The following AP1S3 variants were observed in gnomAD, a reference collection of about 807,000 sequenced individuals.
The protein encoded by AP1S3 is AP-1 complex subunit sigma-3.
Under a neutral mutation model 20.9 loss-of-function variants are expected in AP1S3, and 10 were observed. That is an observed-to-expected ratio of 0.48 (90% CI 0.29 to 0.81). The LOEUF (loss-of-function observed/expected upper bound fraction) is 0.81, where lower values mean the gene tolerates loss of function less well. Among genes scored for constraint, AP1S3 ranks in the 30% least tolerant of loss-of-function variants. The pLI is 0.08. For synonymous variants in AP1S3, 41 were observed against 61.5 expected (o/e 0.67, Z 1.56); for missense variants, 154 against 183.8 (o/e 0.84, Z 0.94).
At chr2:223,782,072 C>T (rs1244072671) in intron 1 of AP1S3, among the ~76,000 whole-genome samples, 12 of 147,824 alleles carry the variant, frequency 8.1e-5, no homozygotes, top group African/African-American at 2.3e-4. Context: ...AGGGCAGTGG[C>T]GCCATCTTGG....
At chr2:223,825,036 T>G (rs1197794930) in intron 1 of AP1S3, among the ~76,000 whole-genome samples, 1 of 151,722 alleles carries the variant, frequency 6.6e-6, no homozygotes, top group Admixed American at 6.6e-5. Flanking sequence ...TCGGCCGGGC[T>G]CGGTGGCTCA....
chr2:223,766,678 C>A (rs989174643), intron 3 of AP1S3, among the ~76,000 whole-genome samples: 1 of 152,128 alleles, frequency 6.6e-6, no homozygotes, highest in Admixed American at 6.5e-5. Context: ...CCAGAAATAC[C>A]ATTTGACCCG....
chr2:223,793,070 CA>C (rs953732560), intron 1 of AP1S3, among the ~76,000 whole-genome samples: 7 of 152,084 alleles, frequency 4.6e-5, no homozygotes, highest in African/African-American at 1.7e-4. Context: ...AGTAAAAAAC[CA>C]ACAGATGCTG....
At chr2:223,816,640 T>A (rs374675786) in intron 1 of AP1S3, among the ~76,000 whole-genome samples, 1 of 152,236 alleles carries the variant, frequency 6.6e-6, no homozygotes, top group South Asian at 2.1e-4. Flanking sequence ...AAGCCTGAGG[T>A]TGTCCCAGCA....
chr2:223,823,606 G>A (rs774047369), intron 1 of AP1S3, among the ~76,000 whole-genome samples: 33 of 152,166 alleles, frequency 2.2e-4, no homozygotes, highest in Non-Finnish European at 4.4e-4. Flanking sequence ...AGAAATTGAG[G>A]AGATATTGGT....
chr2:223,781,827 A>G (rs1690954891), intron 1 of AP1S3, among the ~76,000 whole-genome samples: 1 of 152,126 alleles, frequency 6.6e-6, no homozygotes, highest in Non-Finnish European at 1.5e-5. Context: ...TGAAGTCCAC[A>G]CATTTGCCTG....
chr2:223,787,210 T>G (rs1180908753), intron 1 of AP1S3, among the ~76,000 whole-genome samples: 1 of 152,222 alleles, frequency 6.6e-6, no homozygotes, highest in Non-Finnish European at 1.5e-5. Flanking sequence ...GTAAGTTTCC[T>G]GAGGCCTCCC....
At chr2:223,828,985 G>T (rs1692198532) in intron 1 of AP1S3, among the ~76,000 whole-genome samples, 1 of 152,134 alleles carries the variant, frequency 6.6e-6, no homozygotes, top group African/African-American at 2.4e-5. Context: ...ACAGGCGCCT[G>T]CCACTGCACC....
chr2:223,795,761 AAAAACAATGATAAGGAC>A (rs1166769934), intron 1 of AP1S3, among the ~76,000 whole-genome samples: 1 of 152,230 alleles, frequency 6.6e-6, no homozygotes, highest in Non-Finnish European at 1.5e-5. Context: ...ACAAAATAGG[AAAAACAATGATAAGGAC>A]CTCAGTGATG....
Position 223,757,038 on chromosome 2 carries a change from G to A in AP1S3, c.*1677C>T. The A allele has an allele frequency of 1.0e-6, 1 of 969,356 alleles. No homozygotes were observed. The highest frequency in any genetic ancestry group is 1.2e-6 in the Non-Finnish European group (1 of 818,236). The allele number at this position is 969,356 out of a possible 1,614,324, so 60.0% of individuals were successfully genotyped here. A position where few individuals can be genotyped will look rare whatever the true frequency, so the allele number is the denominator to read the frequency against. On this transcript the variant is annotated 3_prime_UTR_variant, in exon 5 of 5. Coordinates refer to ENST00000396654, the MANE Select transcript of AP1S3 (RefSeq NM_001039569.2). ...CGCAGTCTTGCTCTGTCACCCGCCT[G>A]GAGTGCACTGGTATGACCTTGGCTC...
At chr2:223,791,374 T>C (rs1691213646) in intron 1 of AP1S3, among the ~76,000 whole-genome samples, 1 of 152,160 alleles carries the variant, frequency 6.6e-6, no homozygotes, top group South Asian at 2.1e-4. Context: ...CAAGGTTGGT[T>C]CAACATACAC....
At chr2:223,827,913 G>T (rs1040947389) in intron 1 of AP1S3, among the ~76,000 whole-genome samples, 1 of 151,562 alleles carries the variant, frequency 6.6e-6, no homozygotes, top group Admixed American at 6.6e-5. Flanking sequence ...ACAAAAATTA[G>T]CTGGGTGTGG....
intron 1 of AP1S3, among the ~76,000 whole-genome samples, chr2:223,807,567 T>G (rs549447925): frequency 9.1e-4 from 138 of 152,302 alleles, no homozygotes; most frequent in Admixed American, 3.4e-3. Flanking sequence ...AGGAGGTGAC[T>G]GAATCATGGG....
At chr2:223,837,337 C>G (rs914683976) in intron 1 of AP1S3, 111 bp downstream of exon 1, 11 of 502,332 alleles carry the variant, frequency 2.2e-5, no homozygotes, top group Middle Eastern at 6.0e-4. Context: ...CCAGGCGGGA[C>G]TCGGCCCGCA....
intron 1 of AP1S3, among the ~76,000 whole-genome samples, chr2:223,806,388 A>G (rs755535268): frequency 6.9e-6 from 1 of 144,676 alleles, no homozygotes; most frequent in African/African-American, 2.6e-5. Context: ...GGTTCACACC[A>G]TTCTCCTGCC....
intron 1 of AP1S3, among the ~76,000 whole-genome samples, chr2:223,782,449 G>A (rs1559281736): frequency 6.6e-6 from 1 of 152,056 alleles, no homozygotes; most frequent in Admixed American, 6.6e-5. Context: ...TAGGCTAAAC[G>A]TTACTTTTAA....
At chr2:223,776,092 C>A (rs759122984) in intron 2 of AP1S3, 83 bp from the exon 3 acceptor site, 2 of 948,530 alleles carry the variant, frequency 2.1e-6, no homozygotes, top group Non-Finnish European at 1.7e-6. Context: ...TATGCAGTCA[C>A]CTCCTCCCCC....
chr2:223,795,346 A>G (rs746852314), intron 1 of AP1S3, among the ~76,000 whole-genome samples: 12 of 152,266 alleles, frequency 7.9e-5, no homozygotes, highest in Non-Finnish European at 1.8e-4. Flanking sequence ...TGCTCTGGGT[A>G]GAAATAAGAT....
intron 3 of AP1S3, chr2:223,770,238 G>C: frequency 6.4e-7 from 1 of 1,550,832 alleles, no homozygotes; most frequent in Non-Finnish European, 8.7e-7. Context: ...ATAGTAGCAA[G>C]CTGAGGAACC....
Sources: allele counts gnomAD v4.1 joint callset (sites outside exome capture counted in the v4.1 genomes callset), GRCh38; gene constraint gnomAD v4.1.1; transcripts MANE v1.5; gene names NCBI Gene and HGNC (gene_info 2026-07-23, HGNC 2026-07-21).